The following SDK2 variants were observed in gnomAD, a reference collection of about 807,000 sequenced individuals.
SDK2 encodes sidekick cell adhesion molecule 2.
SDK2 carries 105 observed loss-of-function variants against 253.9 expected under a neutral mutation model. The ratio of observed to expected loss-of-function variants is 0.41; its 90% CI spans 0.35 to 0.49. The LOEUF is 0.49. SDK2 is among the 20% of genes least tolerant of loss of function. The pLI is 0.06. For synonymous variants in SDK2, 1,249 were observed against 1,234.9 expected (o/e 1.01, Z -0.24); for missense variants, 2,608 against 3,003.0 (o/e 0.87, Z 3.07).
In SDK2 at chr17:73,472,138, T is replaced by A; in HGVS notation, c.305A>T (p.Gln102Leu). 1 of 1,551,604 alleles carries A rather than the reference T, an allele frequency of 6.4e-7. No individual in the cohort carries two copies. Among genetic ancestry groups the A allele is most frequent in the Non-Finnish European group, 8.7e-7 (1 of 1,146,956 alleles). Residue 102 changes from glutamine to leucine, a missense_variant, in exon 3 of 45, where the codon CAG becomes CTG. By Grantham distance (113) the Gln-to-Leu change is moderately radical (BLOSUM62 -2). Around this residue, in one of 2 missense-constraint regions of SDK2, gnomAD observed 1,505 missense variants for 1,859.1 expected, o/e 0.81. Transcript: ENST00000392650. ...IVRNRMGALLQRQTEVQVAYM... is the reference protein window; with the variant it reads ...IVRNRMGALLLRQTEVQVAYM... Reference sequence around the variant, plus strand: ...GGCCACCTGGACCTCGGTTTGCCGCTGCAGCAGGGCCCCCATTCGGTTCCG... The same window carrying A: ...GGCCACCTGGACCTCGGTTTGCCGCAGCAGCAGGGCCCCCATTCGGTTCCG...
At chr17:73,393,980 C>T (rs2062949873) in intron 26 of SDK2, among the ~76,000 whole-genome samples, 1 of 152,198 alleles carries the variant, frequency 6.6e-6, no homozygotes, top group Admixed American at 6.5e-5. Context: ...AGCGTGGCCT[C>T]CCGGGAGAGA....
At chr17:73,497,548 A>G (rs1201825002) in intron 2 of SDK2, among the ~76,000 whole-genome samples, 1 of 151,534 alleles carries the variant, frequency 6.6e-6, no homozygotes, top group African/African-American at 2.4e-5. Context: ...TCCGCCTGGG[A>G]TTCCTTCCTC....
intron 44 of SDK2, among the ~76,000 whole-genome samples, chr17:73,346,816 TC>T (rs2062488698): frequency 6.6e-6 from 1 of 152,002 alleles, no homozygotes; most frequent in Non-Finnish European, 1.5e-5. Context: ...GGAAGGGGTG[TC>T]CTTGAAAAGA....
intron 18 of SDK2, among the ~76,000 whole-genome samples, chr17:73,413,743 T>C (rs913784589): frequency 6.6e-6 from 1 of 152,220 alleles, no homozygotes; most frequent in Non-Finnish European, 1.5e-5. Context: ...TTTATTTTAG[T>C]TATTCAGCGG....
chr17:73,421,477 C>A (rs118057283), intron 15 of SDK2, among the ~76,000 whole-genome samples: 1 of 151,784 alleles, frequency 6.6e-6, no homozygotes, highest in South Asian at 2.1e-4. Flanking sequence ...GCTTGTTCTA[C>A]GGAGCTGGAG....
intron 2 of SDK2, among the ~76,000 whole-genome samples, chr17:73,493,503 G>A (rs1373910039): frequency 6.6e-6 from 1 of 152,328 alleles, no homozygotes; most frequent in African/African-American, 2.4e-5. Flanking sequence ...CTGTGTGTGC[G>A]CACCTGTGCA....
chr17:73,404,919 C>A (rs1194500022), intron 18 of SDK2, among the ~76,000 whole-genome samples: 4 of 151,882 alleles, frequency 2.6e-5, no homozygotes, highest in Non-Finnish European at 4.4e-5. Flanking sequence ...GGGAGGGCAG[C>A]CTTGCAGCTG....
intron 2 of SDK2, among the ~76,000 whole-genome samples, chr17:73,502,084 TACACACACAC>T (rs5821971): frequency 3.8e-5 from 1 of 26,542 alleles, no homozygotes; most frequent in African/African-American, 1.1e-4. Context: ...GTAGTGCACA[TACACACACAC>T]ACACACACAC....
chr17:73,401,298 G>T, intron 20 of SDK2, 87 bp from the exon 21 acceptor site: 1 of 1,255,230 alleles, frequency 8.0e-7, no homozygotes, highest in Non-Finnish European at 1.1e-6. Context: ...TCTCCACTAG[G>T]CTGGCAATTA....
intron 1 of SDK2, among the ~76,000 whole-genome samples, chr17:73,638,806 CTT>C (rs1223522657): frequency 3.0e-4 from 41 of 138,916 alleles, no homozygotes; most frequent in Admixed American, 2.9e-4. Context: ...AGATAACAGT[CTT>C]TTTTTTTTTT....
At chr17:73,428,918 G>C (rs2063305071) in intron 12 of SDK2, among the ~76,000 whole-genome samples, 1 of 152,122 alleles carries the variant, frequency 6.6e-6, no homozygotes, top group South Asian at 2.1e-4. Context: ...TTCCGTTTAA[G>C]GCGAGGACCT....
In SDK2 at chr17:73,419,255, G is replaced by A. The variant is rs895556157; in HGVS notation, c.2097C>T (p.Ala699=). Residue 699 remains alanine, a synonymous_variant, in exon 16 of 45, where the codon GCC becomes GCT. Transcript: ENST00000392650. The stretch of plus-strand genomic sequence containing the variant: ...TGATGGACTGGTTGGTTCGACCGCT[G>A]GCGATGACGTTCTGTGGAGGGGCCG... The part of the protein sequence containing the change: ...PPTAPPQNVI[A]SGRTNQSIMI... 1 of 1,613,014 alleles carries A rather than the reference G, an allele frequency of 6.2e-7. No individual in the cohort carries two copies.
chr17:73,602,064 C>T (rs901231998), intron 1 of SDK2, among the ~76,000 whole-genome samples: 7 of 152,334 alleles, frequency 4.6e-5, no homozygotes, highest in African/African-American at 1.7e-4. Context: ...TTTTAAACAA[C>T]CCAGTTTGTA....
chr17:73,354,108 C>T (rs1437881270), intron 40 of SDK2, among the ~76,000 whole-genome samples: 1 of 152,134 alleles, frequency 6.6e-6, no homozygotes, highest in Non-Finnish European at 1.5e-5. Flanking sequence ...GTGGTGTGCT[C>T]TTGGCTCACT....
At chr17:73,433,659 C>G in intron 10 of SDK2, 73 bp downstream of exon 10, 1 of 1,175,550 alleles carries the variant, frequency 8.5e-7, no homozygotes, top group Non-Finnish European at 1.2e-6. Context: ...ACCTGGCTGG[C>G]TCCAGAGCCT....
rs1399478052 is a variant in SDK2 at position 73,365,412 on chromosome 17, AG to A, written c.5168-18del. The A allele has an allele frequency of 1.3e-5, 21 of 1,589,948 alleles. No homozygotes were observed. Among genetic ancestry groups the A allele is most frequent in the Non-Finnish European group, 1.7e-5 (20 of 1,170,040 alleles). ...CGCTGGGGGCTGCGGGAGACAGCAA[AG>A]GGTTTTTGTTTCCTTCTTCTGTGGA... On this transcript the variant is annotated intron_variant, in intron 37 of 44. Transcript: ENST00000392650.
At chr17:73,589,536 C>T (rs2045652785) in intron 1 of SDK2, among the ~76,000 whole-genome samples, 1 of 152,230 alleles carries the variant, frequency 6.6e-6, no homozygotes, top group South Asian at 2.1e-4. Context: ...CTGCTTACTC[C>T]ACAAGCCTCC....
chr17:73,350,255 T>C lies in SDK2; in HGVS notation c.6020A>G (p.Lys2007Arg). 7.3e-7 allele frequency: 1 copy of C among 1,370,800 alleles called. No homozygotes were observed. The highest frequency in any genetic ancestry group is 9.6e-7 in the Non-Finnish European group (1 of 1,045,480). 84.9% of individuals were successfully genotyped at this position (1,370,800 alleles called of 1,614,324 possible). A position where few individuals can be genotyped will look rare whatever the true frequency, so the allele number is the denominator to read the frequency against. Residue 2007 changes from lysine (K) to arginine (R), a missense_variant, in exon 43 of 45, where the codon AAG (lysine) becomes AGG (arginine). Around this residue, in one of 2 missense-constraint regions of SDK2, gnomAD observed 1,103 missense variants for 1,143.9 expected, o/e 0.96. Coordinates refer to ENST00000392650, the MANE Select transcript of SDK2 (RefSeq NM_001144952.2). ...CCAGTACCTGGTGTACAGGCCGTTCTTTCGGCAGAAAGAGTTCTTGACGGA... is the reference window on the plus strand; with the variant it reads ...CCAGTACCTGGTGTACAGGCCGTTCCTTCGGCAGAAAGAGTTCTTGACGGA... ...RLSVKNSFCR[K>R]NGLYTRSPPR...
intron 24 of SDK2, among the ~76,000 whole-genome samples, chr17:73,396,965 A>G (rs2062976052): frequency 6.6e-6 from 1 of 152,224 alleles, no homozygotes; most frequent in South Asian, 2.1e-4. Flanking sequence ...TCGAGGACTG[A>G]CGGCGCCAAG....
Sources: gnomAD v4.1 joint callset for allele counts (sites outside exome capture counted in the v4.1 genomes callset) on GRCh38, gnomAD v4.1.1 for gene constraint, gnomAD v4.1.1 regional missense constraint, MANE v1.5 for transcripts, NCBI Gene and HGNC (gene_info 2026-07-23, HGNC 2026-07-21) for gene names.